The following GRB2 variants were observed in gnomAD, a reference collection of about 807,000 sequenced individuals.
GRB2 encodes growth factor receptor-bound protein 2.
A neutral mutation model predicts 27.4 loss-of-function variants in GRB2; 2 were observed. The ratio of observed to expected loss-of-function variants is 0.07; its 90% CI spans 0.03 to 0.23. The LOEUF is 0.23. Among genes scored for constraint, GRB2 ranks in the 10% least tolerant of loss-of-function variants. The pLI is 1.00. For missense variants in GRB2, 102 were observed against 282.4 expected (o/e 0.36, Z 4.58); for synonymous variants, 94 against 99.6 (o/e 0.94, Z 0.33).
chr17:75,342,549 C>T (rs1007486360), intron 2 of GRB2, among the ~76,000 whole-genome samples: 1 of 152,130 alleles, frequency 6.6e-6, no homozygotes, highest in Admixed American at 6.5e-5. Context: ...GGAATACAGG[C>T]ATGAGCCACC....
At chr17:75,371,615 C>T (rs984626578) in intron 2 of GRB2, 1 of 151,948 alleles carries the variant, frequency 6.6e-6, no homozygotes, top group Middle Eastern at 3.4e-3. Context: ...AAGGGGAACC[C>T]GAGGGAAAAG....
intron 2 of GRB2, among the ~76,000 whole-genome samples, chr17:75,385,009 G>A (rs1317996257): frequency 9.3e-6 from 1 of 107,086 alleles, no homozygotes; most frequent in African/African-American, 3.5e-5. Flanking sequence ...GTGGGCAACA[G>A]TGAGACCTCC....
chr17:75,378,122 A>G (rs901276546), intron 2 of GRB2, among the ~76,000 whole-genome samples: 1 of 152,066 alleles, frequency 6.6e-6, no homozygotes, highest in Non-Finnish European at 1.5e-5. Flanking sequence ...GCAGTGGCTC[A>G]CGCCTGTAAT....
At chr17:75,349,685 A>C (rs2078677426) in intron 2 of GRB2, among the ~76,000 whole-genome samples, 1 of 151,708 alleles carries the variant, frequency 6.6e-6, no homozygotes, top group Non-Finnish European at 1.5e-5. Flanking sequence ...ACGCCTGGCT[A>C]ATTTTTGTAT....
At chr17:75,386,167 G>C (rs1187745492) in intron 2 of GRB2, among the ~76,000 whole-genome samples, 1 of 151,702 alleles carries the variant, frequency 6.6e-6, no homozygotes, top group African/African-American at 2.4e-5. Flanking sequence ...CGCCCAGGCT[G>C]GAGTGCAGTG....
rs1000765447 is a variant in GRB2, at chr17:75,358,023, G to A, written c.79-25226C>T. Among the ~76,000 whole-genome samples the A allele has an allele frequency of 5.3e-5, 8 of 152,204 alleles. 1 individual carries two copies. Among genetic ancestry groups the A allele is most frequent in the South Asian group, 2.1e-4 (1 of 4,832 alleles). On this transcript the variant is annotated intron_variant, in intron 2 of 5. Transcript: ENST00000316804. ...TGAGGCAAGACAATCGCTTGAACCC[G>A]GGAGGTGGAGGTTGCAGACGACATG... is the stretch of plus-strand genomic sequence containing the variant.
intron 2 of GRB2, among the ~76,000 whole-genome samples, chr17:75,359,861 A>T (rs2078767756): frequency 6.6e-6 from 1 of 152,132 alleles, no homozygotes; most frequent in Admixed American, 6.5e-5. Flanking sequence ...ACTTGTGGGT[A>T]GTAGCCTCGG....
chr17:75,358,700 TA>T (rs71159497), intron 2 of GRB2, among the ~76,000 whole-genome samples: 2,624 of 66,158 alleles, frequency 0.04, 73 homozygotes, highest in African/African-American at 0.072. Flanking sequence ...CCATCTCTAC[TA>T]AAAAAAAAAA....
At chr17:75,365,277 T>C (rs1342770413) in intron 2 of GRB2, among the ~76,000 whole-genome samples, 2 of 152,148 alleles carry the variant, frequency 1.3e-5, no homozygotes, top group Admixed American at 6.6e-5. Context: ...CTAGATCTCC[T>C]ACGGTTAACT....
At chr17:75,390,092 CAG>C (rs779588698) in intron 2 of GRB2, among the ~76,000 whole-genome samples, 16 of 152,116 alleles carry the variant, frequency 1.1e-4, no homozygotes, top group Middle Eastern at 3.2e-3. Flanking sequence ...AGTGCTGAGA[CAG>C]AATGCTTTGA....
chr17:75,337,100 C>T (rs2145829599), intron 2 of GRB2, among the ~76,000 whole-genome samples: 1 of 152,236 alleles, frequency 6.6e-6, no homozygotes, highest in Non-Finnish European at 1.5e-5. Context: ...TTCTAGTATC[C>T]AGAATATCAC....
intron 1 of GRB2, among the ~76,000 whole-genome samples, chr17:75,399,482 C>T (rs1186183692): frequency 6.6e-6 from 1 of 151,414 alleles, no homozygotes; most frequent in Non-Finnish European, 1.5e-5. Context: ...ATTCTCCTGC[C>T]TCAGCCTCCC....
In GRB2 at chr17:75,318,953, G is replaced by C. The variant is rs2145814370; in HGVS notation, c.*1415C>G. On this transcript the variant is annotated 3_prime_UTR_variant, in exon 6 of 6. Transcript: ENST00000316804. ...TTCCAGGGGTGCATATAGGGAGGGG[G>C]CGGGGGCCACAACCCCCGAGACGGT... 6.6e-6 allele frequency: 1 copy of C among 152,314 alleles called. No individual in the cohort carries two copies. Among genetic ancestry groups the C allele is most frequent in the African/African-American group, 2.4e-5 (1 of 41,434 alleles). 9.4% of individuals were successfully genotyped at this position (152,314 alleles called of 1,614,324 possible). A position where few individuals can be genotyped will look rare whatever the true frequency, so the allele number is the denominator to read the frequency against.
At chr17:75,334,487 C>G (rs988451267) in intron 2 of GRB2, among the ~76,000 whole-genome samples, 1 of 151,912 alleles carries the variant, frequency 6.6e-6, no homozygotes, top group Admixed American at 6.6e-5. Flanking sequence ...TTTATTTTGC[C>G]CAGGCTAGTC....
At chr17:75,404,966 T>TC (rs1266165444) in intron 1 of GRB2, 1 of 151,936 alleles carries the variant, frequency 6.6e-6, no homozygotes, top group Non-Finnish European at 1.5e-5. Context: ...AATAGTTTTT[T>TC]TTTTTAAGTG....
intron 2 of GRB2, among the ~76,000 whole-genome samples, chr17:75,334,825 T>G (rs1364286805): frequency 6.7e-6 from 1 of 149,494 alleles, no homozygotes; most frequent in Non-Finnish European, 1.5e-5. Context: ...GTAATAAAAA[T>G]TTATGTGAAT....
At chr17:75,371,401 G>C (rs925816266) in intron 2 of GRB2, 1 of 152,116 alleles carries the variant, frequency 6.6e-6, no homozygotes, top group African/African-American at 2.4e-5. Context: ...GGACAACATT[G>C]AGTGACACAA....
chr17:75,320,966 C>T lies in GRB2; in HGVS notation c.469-413G>A, dbSNP rs61757943. Among the ~76,000 whole-genome samples the T allele has an allele frequency of 9.7e-3, 1,472 of 152,200 alleles. 28 individuals carry two copies. Among genetic ancestry groups the T allele is most frequent in the South Asian group, 0.048 (234 of 4,826 alleles). On this transcript the variant is annotated intron_variant, in intron 5 of 5. Transcript: ENST00000316804. This position sits in a 1 kb window ranked among gnomAD's most constrained non-coding sequence, Gnocchi z 4.3. ...TGGAGCTCGAATAACATAAGGGGCT[C>T]TAACCGTAACTTACGACCAGGGCTC...
Position 75,339,116 on chromosome 17 carries a change from A to C in GRB2, c.79-6319T>G, listed in dbSNP as rs2078602299. On this transcript the variant is annotated intron_variant, in intron 2 of 5. Coordinates refer to ENST00000316804, the MANE Select transcript of GRB2 (RefSeq NM_002086.5). ...AAGCATTTTGAACTGGGAGGAGATA[A>C]GAAGAGAAAGGGCCAAGTGATCCAG... 6.6e-6 allele frequency: 9 copies of C among 1,370,726 alleles called. No homozygotes were observed. In the East Asian group the frequency reaches 1.8e-4, roughly 28 times the overall value. 84.9% of individuals were successfully genotyped at this position (1,370,726 alleles called of 1,614,324 possible). A position where few individuals can be genotyped will look rare whatever the true frequency, so the allele number is the denominator to read the frequency against.
Sources: gnomAD v4.1 joint callset for allele counts (sites outside exome capture counted in the v4.1 genomes callset) on GRCh38, gnomAD v4.1.1 for gene constraint, Gnocchi (gnomAD v3.1) non-coding constraint, MANE v1.5 for transcripts, NCBI Gene and HGNC (gene_info 2026-07-23, HGNC 2026-07-21) for gene names.